TTYH1: variants seen among roughly 807,000 people sequenced by gnomAD.
TTYH1 encodes the protein tweety family member 1.
Under a neutral mutation model 61.2 loss-of-function variants are expected in TTYH1, and 33 were observed. That is an observed-to-expected ratio of 0.54 (90% confidence interval 0.41 to 0.72). The LOEUF (loss-of-function observed/expected upper bound fraction) is 0.72, where lower values mean the gene tolerates loss of function less well. Ranked by LOEUF, TTYH1 falls within the 30% of genes least tolerant of loss-of-function variation. TTYH1 has a pLI of 0.00. For synonymous variants in TTYH1, 308 were observed against 266.4 expected (o/e 1.16, Z -1.52); for missense variants, 538 against 575.8 (o/e 0.93, Z 0.67).
At chr19:54,427,316 A>C (rs2083342037) in intron 5 of TTYH1, among the ~76,000 whole-genome samples, 1 of 127,576 alleles carries the variant, frequency 7.8e-6, no homozygotes, top group Non-Finnish European at 1.6e-5. Context: ...AAAAAAAAAA[A>C]AAAAAAAGGC....
At chr19:54,424,033 C>T (rs1201854883) in intron 4 of TTYH1, among the ~76,000 whole-genome samples, 3 of 152,068 alleles carry the variant, frequency 2.0e-5, no homozygotes, top group East Asian at 1.9e-4. Context: ...TGGTGGTGGG[C>T]GCCTGTAGTC....
Position 54,429,912 on chromosome 19 carries a change from C to G in TTYH1, c.838C>G (p.Pro280Ala), listed in dbSNP as rs370690333. The change falls in exon 7 of 14, where the codon CCT becomes GCT. Residue 280 changes from proline to alanine, a missense_variant. Pro to Ala is a conservative substitution (Grantham distance 27). Coordinates refer to ENST00000376530, the MANE Select transcript of TTYH1 (RefSeq NM_020659.4). The surrounding 1 kb of genome is among the most constrained non-coding windows in gnomAD (Gnocchi z 5.1). ...GLSDFCSNPD[P>A]YVLNLTQEET... ...CAGTGACTTCTGCTCCAATCCAGAC[C>G]CTTATGTTCTGAACCTGACCCAGGA... 2 of 1,613,982 alleles carry G rather than the reference C, an allele frequency of 1.2e-6. No homozygotes were observed.
At position 54,419,238 on chromosome 19, in the gene TTYH1, G is replaced by A; in HGVS notation, c.237G>A (p.Gly79=). 6.2e-7 allele frequency: 1 copy of A among 1,609,324 alleles called. No individual in the cohort carries two copies. The highest frequency in any genetic ancestry group is 8.5e-7 in the Non-Finnish European group (1 of 1,179,912). Residue 79 remains glycine, a synonymous_variant, in exon 2 of 14, where the codon GGG becomes GGA. Coordinates refer to ENST00000376530, the MANE Select transcript of TTYH1 (RefSeq NM_020659.4). The surrounding 1 kb of genome is among the most constrained non-coding windows in gnomAD (Gnocchi z 6.1). ...GCTGCCGGCCCCCCGAGCCCCCCGGGTCCAAGATCCCCTCGCCCGGGGGAG... is the reference window on the plus strand; with the variant it reads ...GCTGCCGGCCCCCCGAGCCCCCCGGATCCAAGATCCCCTCGCCCGGGGGAG... ...FCCCRPPEPP[G]SKIPSPGGGC... is the part of the protein sequence containing the mutation.
chr19:54,426,925 G>GAC (rs2083331982), intron 5 of TTYH1, among the ~76,000 whole-genome samples, 157 bp downstream of exon 5: 1 of 152,130 alleles, frequency 6.6e-6, no homozygotes, highest in African/African-American at 2.4e-5. Flanking sequence ...GGGAGGCGGG[G>GAC]ACAGACCTGA....
At chr19:54,417,077 G>A (rs1349474273) in intron 1 of TTYH1, among the ~76,000 whole-genome samples, 1 of 152,052 alleles carries the variant, frequency 6.6e-6, no homozygotes, top group Non-Finnish European at 1.5e-5. Context: ...ACACAGCCAG[G>A]GCCTCAGGGA....
chr19:54,430,800 T>C lies in TTYH1; in HGVS notation c.940-13T>C. ...ACTCCTGGGTCCTCCTCCCTCCCTT[T>C]CTCTTTCTGCAGAGGCTGACTCTGT... is the stretch of plus-strand genomic sequence containing the variant. On this transcript the variant is annotated splice_polypyrimidine_tract_variant and intron_variant, in intron 8 of 13. Transcript: ENST00000376530. 6.2e-7 allele frequency: 1 copy of C among 1,613,388 alleles called. No homozygotes were observed. The highest frequency in any genetic ancestry group is 1.1e-5 in the South Asian group (1 of 91,012).
intron 5 of TTYH1, 151 bp downstream of exon 5, chr19:54,426,919 G>A (rs1053463664): frequency 1.1e-4 from 71 of 651,180 alleles, no homozygotes; most frequent in Non-Finnish European, 2.4e-5. Flanking sequence ...CCAGGAGGGA[G>A]GCGGGGACAG....
In TTYH1 at chr19:54,426,762, T is replaced by C; in HGVS notation, c.728T>C (p.Val243Ala). Residue 243 changes from valine (V) to alanine (A), a missense_variant, in exon 5 of 14, where the codon GTG (valine) becomes GCG (alanine). Val to Ala is a moderately conservative substitution (Grantham distance 64, BLOSUM62 0). This residue lies in a region of TTYH1 where 378 missense variants were observed against 401.2 expected (regional missense o/e 0.94). Coordinates refer to ENST00000376530, the MANE Select transcript of TTYH1 (RefSeq NM_020659.4). ...CTGGCGAAGCAGAGCAAGTGGCTGG[T>C]GATCGTGTAAGTGCAGGCAGTAGGG... ...LGLAKQSKWL[V>A]IVMTVMSLLV... is the part of the protein sequence containing the mutation. 6.2e-7 allele frequency: 1 copy of C among 1,613,448 alleles called. No individual in the cohort carries two copies. Among genetic ancestry groups the C allele is most frequent in the Non-Finnish European group, 8.5e-7 (1 of 1,179,908 alleles).
In TTYH1 at chr19:54,431,146, T is replaced by C. The variant is rs748096173; in HGVS notation, c.1080T>C (p.Asn360=). 8.7e-6 allele frequency: 14 copies of C among 1,613,956 alleles called. No individual in the cohort carries two copies. The Admixed American group carries it at 1.8e-4, about 21-fold the overall frequency. ...LEETLNVTEG[N]FHQLVALLHC... is the part of the protein sequence containing the mutation. ...AGACTCTGAATGTGACAGAAGGAAA[T>C]TTCCACCAGTTGGTGGCACTGCTAC... The change falls in exon 10 of 14, where the codon AAT becomes AAC. Residue 360 remains asparagine (N), a synonymous_variant. Coordinates refer to ENST00000376530, the MANE Select transcript of TTYH1 (RefSeq NM_020659.4).
chr19:54,431,033 G>A (rs2083430461), intron 9 of TTYH1, 66 bp from the exon 10 acceptor site: 1 of 1,522,654 alleles, frequency 6.6e-7, no homozygotes, highest in Admixed American at 1.7e-5. Flanking sequence ...GGGGACGCAG[G>A]GCGGGGCCAG....
chr19:54,429,455 G>A lies in TTYH1; in HGVS notation c.807+76G>A. On this transcript the variant is annotated intron_variant, in intron 6 of 13. Coordinates refer to ENST00000376530, the MANE Select transcript of TTYH1 (RefSeq NM_020659.4). This position sits in a 1 kb window ranked among gnomAD's most constrained non-coding sequence, Gnocchi z 5.1. The stretch of plus-strand genomic sequence containing the variant: ...ACTTCAACTTCTGGATCTCGGGATG[G>A]CATGGCTTAGTAGAGAAAGGAATTG... The A allele has an allele frequency of 7.3e-7, 1 of 1,364,750 alleles. No homozygotes were observed. The allele number at this position is 1,364,750 out of a possible 1,614,324, so 84.5% of individuals were successfully genotyped here.
chr19:54,416,130 A>G lies in TTYH1; in HGVS notation c.126+452A>G, dbSNP rs2083073836. On this transcript the variant is annotated intron_variant, in intron 1 of 13. Transcript: ENST00000376530. This position sits in a 1 kb window ranked among gnomAD's most constrained non-coding sequence, Gnocchi z 7.0. ...CGGACCTGATAACGGTGGCGGGGAA[A>G]ACGCTGGCTGCTGCGGTGCTGGGAT... 1 of 1,240,492 alleles carries G rather than the reference A, an allele frequency of 8.1e-7. No individual in the cohort carries two copies. The highest frequency in any genetic ancestry group is 1.1e-6 in the Non-Finnish European group (1 of 931,528). The allele number at this position is 1,240,492 out of a possible 1,614,324, so 76.8% of individuals were successfully genotyped here.
Position 54,427,333 on chromosome 19 carries a change from T to C in TTYH1, c.734+565T>C, listed in dbSNP as rs944566010. Among the ~76,000 whole-genome samples, 283 of 104,872 alleles carry C rather than the reference T, an allele frequency of 2.7e-3. 10 individuals carry two copies. Among genetic ancestry groups the C allele is most frequent in the African/African-American group, 0.01 (272 of 26,856 alleles). The allele number at this position is 104,872 out of a possible 152,430, so 68.8% of individuals were successfully genotyped here. A position where few individuals can be genotyped will look rare whatever the true frequency, so the allele number is the denominator to read the frequency against. On this transcript the variant is annotated intron_variant, in intron 5 of 13. Transcript: ENST00000376530. ...AAAAAAAAAAAAAAAAGGCTGGGCG[T>C]GGTGGCTCACGCCTGTAATTCCAGC...
Position 54,415,903 on chromosome 19 carries a change from A to G in TTYH1, c.126+225A>G, listed in dbSNP as rs1033169870. 8 of 784,606 alleles carry G rather than the reference A, an allele frequency of 1.0e-5. No individual in the cohort carries two copies. Among genetic ancestry groups the G allele is most frequent in the Non-Finnish European group, 1.6e-5 (8 of 513,204 alleles). The allele number at this position is 784,606 out of a possible 1,614,324, so 48.6% of individuals were successfully genotyped here. A position where few individuals can be genotyped will look rare whatever the true frequency, so the allele number is the denominator to read the frequency against. ...AGACCTCGAGCTCTCTAAATAAGGG[A>G]AGGCTGGGGACCTGCACCCCTGAGT... On this transcript the variant is annotated intron_variant, in intron 1 of 13. Transcript: ENST00000376530. The surrounding 1 kb of genome is among the most constrained non-coding windows in gnomAD (Gnocchi z 5.2).
At chr19:54,428,746 C>T (rs2083378423) in intron 5 of TTYH1, among the ~76,000 whole-genome samples, 2 of 152,174 alleles carry the variant, frequency 1.3e-5, no homozygotes, top group South Asian at 4.1e-4. Flanking sequence ...GTAAGGCTTG[C>T]AGACCCATAA....
chr19:54,430,034 G>A (rs1038612685), intron 7 of TTYH1, 77 bp downstream of exon 7: 97 of 1,336,030 alleles, frequency 7.3e-5, no homozygotes, highest in Admixed American at 1.3e-4. Flanking sequence ...CTCTGTGCCC[G>A]GTCCTGCCCA....
rs1167704929 is a variant in TTYH1, at chr19:54,420,174, C to T, written c.305+868C>T. ...CCAAGAACGAGCTCTGAGCACAGCC[C>T]CCTCCCCGGCAGGGCAGCACCCACA... is the stretch of plus-strand genomic sequence containing the variant. On this transcript the variant is annotated intron_variant, in intron 2 of 13. Transcript: ENST00000376530. This position sits in a 1 kb window ranked among gnomAD's most constrained non-coding sequence, Gnocchi z 4.8. Among the ~76,000 whole-genome samples, 1 of 152,206 alleles carries T rather than the reference C, an allele frequency of 6.6e-6. No homozygotes were observed. Among genetic ancestry groups the T allele is most frequent in the Non-Finnish European group, 1.5e-5 (1 of 68,048 alleles).
chr19:54,436,793 C>A lies in TTYH1; in HGVS notation c.*503C>A. 1 of 190,936 alleles carries A rather than the reference C, an allele frequency of 5.2e-6. No individual in the cohort carries two copies. The highest frequency in any genetic ancestry group is 1.1e-5 in the Non-Finnish European group (1 of 92,516). The allele number at this position is 190,936 out of a possible 1,614,324, so 11.8% of individuals were successfully genotyped here. A position where few individuals can be genotyped will look rare whatever the true frequency, so the allele number is the denominator to read the frequency against. ...GGGCTGGGACATCCTCCCTGCTGTC[C>A]TCTCTCCCCCGGCCTCCCAGCTGCC... On this transcript the variant is annotated 3_prime_UTR_variant, in exon 14 of 14. Transcript: ENST00000376530. This position sits in a 1 kb window ranked among gnomAD's most constrained non-coding sequence, Gnocchi z 4.3.
chr19:54,415,884 C>G lies in TTYH1; in HGVS notation c.126+206C>G. 1 of 790,844 alleles carries G rather than the reference C, an allele frequency of 1.3e-6. No homozygotes were observed. Among genetic ancestry groups the G allele is most frequent in the Non-Finnish European group, 1.9e-6 (1 of 515,896 alleles). 49.0% of individuals were successfully genotyped at this position (790,844 alleles called of 1,614,324 possible). ...GGACGCGCGCTGGGGGTCCAGACCT[C>G]GAGCTCTCTAAATAAGGGAAGGCTG... On this transcript the variant is annotated intron_variant, in intron 1 of 13. Transcript: ENST00000376530. This position sits in a 1 kb window ranked among gnomAD's most constrained non-coding sequence, Gnocchi z 5.2.
Sources: allele counts gnomAD v4.1 joint callset (sites outside exome capture counted in the v4.1 genomes callset), GRCh38; gene constraint gnomAD v4.1.1; regional missense constraint gnomAD v4.1.1; non-coding constraint Gnocchi (gnomAD v3.1); transcripts MANE v1.5; gene names NCBI Gene and HGNC (gene_info 2026-07-23, HGNC 2026-07-21).